Variants in IL1RAPL1 observed in about 807,000 individuals in gnomAD.
IL1RAPL1 encodes interleukin 1 receptor accessory protein like 1, also known as interleukin-1 receptor accessory protein-like 1.
A neutral mutation model predicts 48.4 loss-of-function variants in IL1RAPL1; 3 were observed. The ratio of observed to expected loss-of-function variants is 0.06; its 90% CI spans 0.03 to 0.16. The LOEUF (loss-of-function observed/expected upper bound fraction) is 0.16. Ranked by LOEUF, IL1RAPL1 falls within the 10% of genes least tolerant of loss-of-function variation. The probability of loss-of-function intolerance (pLI) is 1.00; values close to 1 mark genes in which losing one functional copy is unlikely to be tolerated. For missense variants in IL1RAPL1, 349 were observed against 530.6 expected, an observed-to-expected ratio of 0.66 and a Z score of 3.36; for synonymous variants, 185 against 187.7, an observed-to-expected ratio of 0.99 and a Z score of 0.12.
chrX:28,604,565 A>G (rs1934062693), intron 1 of IL1RAPL1, among the ~76,000 whole-genome samples: 1 of 108,998 alleles, frequency 9.2e-6, no homozygotes, highest in Non-Finnish European at 1.9e-5. Context: ...TGTCTCTGCT[A>G]AAAATACAAA....
At chrX:29,802,809 A>ATATG (rs1225063433) in intron 6 of IL1RAPL1, among the ~76,000 whole-genome samples, 15 of 46,790 alleles carry the variant, frequency 3.2e-4, no homozygotes, top group African/African-American at 1.6e-3. Flanking sequence ...ATATATATAT[A>ATATG]TGTGTGTATA....
intron 2 of IL1RAPL1, among the ~76,000 whole-genome samples, chrX:28,950,359 G>T (rs1902184259): frequency 1.2e-5 from 1 of 83,562 alleles, no homozygotes; most frequent in Non-Finnish European, 2.3e-5. Context: ...AGTATAGTTT[G>T]AAGTCAGGTA....
Position 29,956,202 on chromosome X carries a change from T to C in IL1RAPL1, c.*382T>C, listed in dbSNP as rs1211648238. The stretch of plus-strand genomic sequence containing the variant: ...CTTTGCTTTTAACATTTCCTTGGGG[T>C]GCTTGGACAAATCTATCCGATGGGA... On this transcript the variant is annotated 3_prime_UTR_variant, in exon 11 of 11. Coordinates refer to ENST00000378993, the MANE Select transcript of IL1RAPL1 (RefSeq NM_014271.4). 1.6e-5 allele frequency: 3 copies of C among 191,799 alleles called. No individual in the cohort carries two copies. Among genetic ancestry groups the C allele is most frequent in the Non-Finnish European group, 9.6e-6 (1 of 104,676 alleles). 15.8% of individuals were successfully genotyped at this position (191,799 alleles called of 1,213,427 possible).
At chrX:29,243,561 C>T (rs1336483335) in intron 2 of IL1RAPL1, among the ~76,000 whole-genome samples, 1 of 112,147 alleles carries the variant, frequency 8.9e-6, no homozygotes, top group Non-Finnish European at 1.9e-5. Context: ...CCAACTTTCC[C>T]ATACCTTAAC....
chrX:29,721,541 T>C lies in IL1RAPL1; in HGVS notation c.778+53037T>C, dbSNP rs1039171628. Among the ~76,000 whole-genome samples, 6 of 111,701 alleles carry C rather than the reference T, an allele frequency of 5.4e-5. No homozygotes were observed. The Admixed American group carries it at 5.7e-4, about 11-fold the overall frequency. ...AAACTTGATAAGCTACCAGAAATGT[T>C]CAATTAAGGAACAAAAAGAAACTGA... is the stretch of plus-strand genomic sequence containing the variant. On this transcript the variant is annotated intron_variant, in intron 6 of 10. Transcript: ENST00000378993.
intron 5 of IL1RAPL1, among the ~76,000 whole-genome samples, chrX:29,500,660 TATTTC>T (rs1172161109): frequency 1.8e-5 from 2 of 112,475 alleles, no homozygotes; most frequent in African/African-American, 6.5e-5. Context: ...GGCTGAATAA[TATTTC>T]ATTATATTAT....
intron 1 of IL1RAPL1, among the ~76,000 whole-genome samples, chrX:28,597,250 G>T (rs779476590): frequency 9.0e-6 from 1 of 111,541 alleles, no homozygotes; most frequent in Non-Finnish European, 1.9e-5. Flanking sequence ...GACCCGCTCA[G>T]ATTTATGCTT....
chrX:28,887,653 T>C (rs539816110), intron 2 of IL1RAPL1, among the ~76,000 whole-genome samples: 6 of 111,999 alleles, frequency 5.4e-5, no homozygotes, highest in South Asian at 3.7e-4. Flanking sequence ...ATATATAGTA[T>C]TGTTTTACAG....
At chrX:29,918,144 A>AAAAAAAAAAAAAAAACTAT (rs1555935868) in intron 7 of IL1RAPL1, among the ~76,000 whole-genome samples, 1 of 23,767 alleles carries the variant, frequency 4.2e-5, no homozygotes, top group Non-Finnish European at 6.6e-5. Context: ...AAAAAAAAAA[A>AAAAAAAAAAAAAAAACTAT]ATATATATAT....
chrX:29,784,931 T>C (rs1291076403), intron 6 of IL1RAPL1, among the ~76,000 whole-genome samples: 1 of 112,113 alleles, frequency 8.9e-6, no homozygotes, highest in Non-Finnish European at 1.9e-5. Context: ...AGAATAAAAT[T>C]AGTTCAATAC....
At chrX:29,326,733 T>C (rs1932845139) in intron 3 of IL1RAPL1, among the ~76,000 whole-genome samples, 1 of 112,091 alleles carries the variant, frequency 8.9e-6, no homozygotes, top group African/African-American at 3.2e-5. Flanking sequence ...GCACAATGAC[T>C]CTGCACATAA....
chrX:28,649,365 C>T (rs893839776), intron 1 of IL1RAPL1, among the ~76,000 whole-genome samples: 1 of 112,014 alleles, frequency 8.9e-6, no homozygotes, highest in African/African-American at 3.2e-5. Context: ...CTTTCACCTC[C>T]ACTGAAAGGT....
At chrX:28,929,436 A>G (rs1462213214) in intron 2 of IL1RAPL1, among the ~76,000 whole-genome samples, 2 of 111,571 alleles carry the variant, frequency 1.8e-5, no homozygotes, top group Non-Finnish European at 3.8e-5. Context: ...CTCATTCCTT[A>G]CTGAAGTCAC....
At chrX:29,448,420 A>T (rs1398168647) in intron 5 of IL1RAPL1, among the ~76,000 whole-genome samples, 4 of 112,221 alleles carry the variant, frequency 3.6e-5, no homozygotes, top group African/African-American at 1.3e-4. Flanking sequence ...GTAGAGACTC[A>T]GTTTTATCAC....
chrX:29,111,949 A>C (rs1602061765), intron 2 of IL1RAPL1, among the ~76,000 whole-genome samples: 1 of 22,740 alleles, frequency 4.4e-5, no homozygotes, highest in Non-Finnish European at 9.4e-5. Context: ...TTTTTTTTTG[A>C]GACGGCGTCT....
chrX:29,818,016 C>T (rs1452150929), intron 6 of IL1RAPL1, among the ~76,000 whole-genome samples: 3 of 112,017 alleles, frequency 2.7e-5, no homozygotes, highest in Non-Finnish European at 5.6e-5. Flanking sequence ...GTGTCACACG[C>T]TGGTTCTAGA....
chrX:28,937,467 T>C (rs781754635), intron 2 of IL1RAPL1, among the ~76,000 whole-genome samples: 2 of 111,190 alleles, frequency 1.8e-5, no homozygotes, highest in Non-Finnish European at 3.8e-5. Context: ...ATATCATTAG[T>C]AGTCACACTC....
intron 1 of IL1RAPL1, among the ~76,000 whole-genome samples, chrX:28,758,766 A>C (rs1042559851): frequency 2.7e-5 from 3 of 111,735 alleles, no homozygotes; most frequent in Non-Finnish European, 5.6e-5. Context: ...TCTTCCTTTT[A>C]CTATCAGTGA....
intron 5 of IL1RAPL1, among the ~76,000 whole-genome samples, chrX:29,509,452 G>A (rs1935370299): frequency 8.9e-6 from 1 of 112,466 alleles, no homozygotes; most frequent in Non-Finnish European, 1.9e-5. Context: ...GACCATCACA[G>A]GTATGAACTT....
Sources: gnomAD v4.1 joint callset for allele counts (sites outside exome capture counted in the v4.1 genomes callset) on GRCh38, gnomAD v4.1.1 for gene constraint, MANE v1.5 for transcripts, NCBI Gene and HGNC (gene_info 2026-07-23, HGNC 2026-07-21) for gene names.